HMCN1: variants seen among roughly 807,000 people sequenced by gnomAD.
HMCN1 encodes the protein hemicentin-1.
Under a neutral mutation model 625.9 loss-of-function variants are expected in HMCN1, and 321 were observed. The ratio of observed to expected loss-of-function variants is 0.51; its 90% CI spans 0.47 to 0.56. The LOEUF (loss-of-function observed/expected upper bound fraction) is 0.56. Among genes scored for constraint, HMCN1 ranks in the 20% least tolerant of loss-of-function variants. The pLI, the probability that HMCN1 is intolerant of heterozygous loss-of-function variation, is 0.00. For synonymous variants in HMCN1, 2,425 were observed against 2,417.6 expected (o/e 1.00, Z -0.09); for missense variants, 6,588 against 6,887.3 (o/e 0.96, Z 1.54).
chr1:185,809,095 A>G (rs1659349209), intron 1 of HMCN1, among the ~76,000 whole-genome samples: 1 of 152,168 alleles, frequency 6.6e-6, no homozygotes, highest in Non-Finnish European at 1.5e-5. Context: ...CCCAAAGGAC[A>G]TATAAGCACT....
At chr1:186,156,507 G>A (rs1651029356) in intron 97 of HMCN1, among the ~76,000 whole-genome samples, 3 of 152,208 alleles carry the variant, frequency 2.0e-5, no homozygotes. Context: ...CGACTGCCTA[G>A]TATTACAGAG....
intron 1 of HMCN1, among the ~76,000 whole-genome samples, chr1:185,781,171 A>G (rs1008580289): frequency 1.3e-5 from 2 of 152,102 alleles, no homozygotes; most frequent in Non-Finnish European, 1.5e-5. Flanking sequence ...GGTAGTTTGT[A>G]TTTCTGTGCA....
intron 1 of HMCN1, among the ~76,000 whole-genome samples, chr1:185,754,232 G>A (rs1169530127): frequency 1.3e-5 from 2 of 152,160 alleles, no homozygotes; most frequent in Non-Finnish European, 2.9e-5. Context: ...TAGGAACAGA[G>A]AGTAGAACAG....
At chr1:185,863,018 G>A (rs574367268) in intron 2 of HMCN1, among the ~76,000 whole-genome samples, 1 of 152,220 alleles carries the variant, frequency 6.6e-6, no homozygotes, top group African/African-American at 2.4e-5. Context: ...CTAATACTTG[G>A]TTCTTATGAC....
Position 186,181,361 on chromosome 1 carries a change from T to A in HMCN1, c.16295-807T>A, listed in dbSNP as rs114691068. ...ATCCTTAAAGCAAATATCAATTAAT[T>A]TTGAATTATCATCTATTCTCACCCT... On this transcript the variant is annotated intron_variant, in intron 104 of 106. Transcript: ENST00000271588. Among the ~76,000 whole-genome samples the A allele has an allele frequency of 5.1e-3, 774 of 152,278 alleles. 4 individuals carry two copies. Among genetic ancestry groups the A allele is most frequent in the African/African-American group, 0.017 (712 of 41,562 alleles).
At chr1:185,754,753 C>G (rs1655027669) in intron 1 of HMCN1, among the ~76,000 whole-genome samples, 1 of 152,032 alleles carries the variant, frequency 6.6e-6, no homozygotes, top group African/African-American at 2.4e-5. Flanking sequence ...GAGGCTGAGG[C>G]AGGGTAATTG....
chr1:186,098,260 G>A (rs968755637), intron 68 of HMCN1, among the ~76,000 whole-genome samples: 2 of 152,066 alleles, frequency 1.3e-5, no homozygotes, highest in African/African-American at 4.8e-5. Context: ...ACAAAGTGAA[G>A]AGACAACCTA....
At chr1:186,081,080 A>G (rs1030854037) in intron 55 of HMCN1, 127 bp from the exon 56 acceptor site, 1 of 805,996 alleles carries the variant, frequency 1.2e-6, no homozygotes, top group African/African-American at 1.7e-5. Context: ...CCTGGGGATC[A>G]TATAGTTTCT....
At chr1:185,752,719 A>G (rs1313100437) in intron 1 of HMCN1, among the ~76,000 whole-genome samples, 1 of 152,190 alleles carries the variant, frequency 6.6e-6, no homozygotes, top group African/African-American at 2.4e-5. Flanking sequence ...CTTACACAGA[A>G]AACTGTAGGC....
Position 186,086,347 on chromosome 1 carries a change from C to T in HMCN1, c.8986C>T (p.Leu2996Phe). The change falls in exon 58 of 107, where the codon CTC becomes TTC. Residue 2996 changes from leucine (L) to phenylalanine (F), a missense_variant. By Grantham distance (22) the Leu-to-Phe change is conservative (BLOSUM62 0). This residue lies in a region of HMCN1 where 4,628 missense variants were observed against 4,853.1 expected (regional missense o/e 0.95). Transcript: ENST00000271588. The stretch of plus-strand genomic sequence containing the variant: ...GGTCTCTGGTTTTCCACCTCCTGAC[C>T]TCAGCTGGCTCAAGAATGAACAGCC... ...CEVSGFPPPD[L>F]SWLKNEQPIK... 1 of 1,613,346 alleles carries T rather than the reference C, an allele frequency of 6.2e-7. No homozygotes were observed. Among genetic ancestry groups the T allele is most frequent in the Non-Finnish European group, 8.5e-7 (1 of 1,179,570 alleles).
chr1:186,076,941 A>G (rs917134908), intron 54 of HMCN1, among the ~76,000 whole-genome samples: 1 of 152,160 alleles, frequency 6.6e-6, no homozygotes, highest in Non-Finnish European at 1.5e-5. Context: ...TATATTATTA[A>G]CATAAATGCT....
At chr1:185,824,086 A>G (rs936658615) in intron 1 of HMCN1, among the ~76,000 whole-genome samples, 11 of 152,266 alleles carry the variant, frequency 7.2e-5, no homozygotes, top group African/African-American at 2.2e-4. Flanking sequence ...CTTAGATGAT[A>G]GGATATTTTT....
chr1:186,092,531 T>C (rs1659897361), intron 64 of HMCN1, among the ~76,000 whole-genome samples: 1 of 152,004 alleles, frequency 6.6e-6, no homozygotes, highest in African/African-American at 2.4e-5. Context: ...GATTTGTAAT[T>C]AATGGTGTGT....
chr1:186,118,953 C>A (rs1288477771), intron 77 of HMCN1, among the ~76,000 whole-genome samples: 1 of 152,072 alleles, frequency 6.6e-6, no homozygotes, highest in Non-Finnish European at 1.5e-5. Context: ...TCTAAGTATA[C>A]TAAAAATCAT....
intron 93 of HMCN1, among the ~76,000 whole-genome samples, chr1:186,147,640 G>A (rs1415827854): frequency 6.6e-6 from 1 of 152,098 alleles, no homozygotes; most frequent in Non-Finnish European, 1.5e-5. Context: ...CCACCACAAG[G>A]AAGTGAATAT....
chr1:185,874,955 T>C (rs974906387), intron 4 of HMCN1, among the ~76,000 whole-genome samples: 3 of 151,848 alleles, frequency 2.0e-5, no homozygotes, highest in Non-Finnish European at 4.4e-5. Context: ...ATTCAAATAA[T>C]ATTTATGAAA....
intron 2 of HMCN1, among the ~76,000 whole-genome samples, chr1:185,863,330 G>A (rs1662987255): frequency 6.6e-6 from 1 of 152,016 alleles, no homozygotes; most frequent in African/African-American, 2.4e-5. Context: ...ATCTCAGCAG[G>A]GTGTTCAGCA....
intron 4 of HMCN1, among the ~76,000 whole-genome samples, chr1:185,901,992 T>TG (rs1027021323): frequency 1.3e-5 from 2 of 151,674 alleles, no homozygotes; most frequent in Non-Finnish European, 3.0e-5. Context: ...ATGTTGGGGG[T>TG]GGGAAGAGCA....
chr1:186,049,059 C>T (rs1656772898), intron 42 of HMCN1, among the ~76,000 whole-genome samples: 1 of 152,036 alleles, frequency 6.6e-6, no homozygotes, highest in Admixed American at 6.6e-5. Context: ...GAAGGATTCT[C>T]CTCATCTGCC....
Sources: allele counts gnomAD v4.1 joint callset (sites outside exome capture counted in the v4.1 genomes callset), GRCh38; gene constraint gnomAD v4.1.1; regional missense constraint gnomAD v4.1.1; transcripts MANE v1.5; gene names NCBI Gene and HGNC (gene_info 2026-07-23, HGNC 2026-07-21).